CACNA1E: variants seen among roughly 807,000 people sequenced by gnomAD.
CACNA1E encodes calcium voltage-gated channel subunit alpha1 E.
A neutral mutation model predicts 259.2 loss-of-function variants in CACNA1E; 40 were observed. That is an observed-to-expected ratio of 0.15 (90% confidence interval 0.12 to 0.20). CACNA1E has a LOEUF of 0.20. CACNA1E is among the 10% of genes least tolerant of loss of function. The probability of loss-of-function intolerance (pLI) is 1.00; values close to 1 mark genes in which losing one functional copy is unlikely to be tolerated. For synonymous variants in CACNA1E, 1,104 were observed against 1,138.5 expected, an observed-to-expected ratio of 0.97 and a Z score of 0.61; for missense variants, 1,874 against 3,040.1, an observed-to-expected ratio of 0.62 and a Z score of 9.02.
rs1658763911 is a variant in CACNA1E at position 181,421,805 on chromosome 1, A to C, written c.434+8225A>C. On this transcript the variant is annotated intron_variant, in intron 2 of 11. Transcript: ENST00000524607. ...CACTGCTACCAATCTCTTCCAAGCC[A>C]CTATCCTTTGGACCATTGCAATGGC... Among the ~76,000 whole-genome samples the C allele has an allele frequency of 1.3e-5, 2 of 152,228 alleles. 1 individual carries two copies. The highest frequency in any genetic ancestry group is 4.1e-4 in the South Asian group (2 of 4,826).
At chr1:181,428,618 C>T (rs757282619) in intron 2 of CACNA1E, among the ~76,000 whole-genome samples, 1 of 152,024 alleles carries the variant, frequency 6.6e-6, no homozygotes, top group Non-Finnish European at 1.5e-5. Flanking sequence ...GTGTGCTGCT[C>T]TTGGGCCCCA....
At chr1:181,630,794 C>G (rs1656656489) in intron 6 of CACNA1E, among the ~76,000 whole-genome samples, 1 of 152,136 alleles carries the variant, frequency 6.6e-6, no homozygotes, top group Non-Finnish European at 1.5e-5. Flanking sequence ...AATGGTCCTA[C>G]AAGACTTTCT....
chr1:181,554,019 GT>G (rs930036045), intron 3 of CACNA1E, among the ~76,000 whole-genome samples: 7 of 152,054 alleles, frequency 4.6e-5, no homozygotes, highest in African/African-American at 1.7e-4. Context: ...TGAATTTAGT[GT>G]TTTTTGTTGA....
Position 181,785,606 on chromosome 1 carries a change from C to CA in CACNA1E, c.5680-105dup, listed in dbSNP as rs1333343632. On this transcript the variant is annotated intron_variant, in intron 42 of 47. Coordinates refer to ENST00000367573, the MANE Select transcript of CACNA1E (RefSeq NM_001205293.3). ...TGGATCGAAGGTTAAAATGGTCAAA[C>CA]AAGGGATAAGTTATGTGCCTGTATT... is the stretch of plus-strand genomic sequence containing the variant. 6 of 929,552 alleles carry CA rather than the reference C, an allele frequency of 6.5e-6. No homozygotes were observed. The African/African-American group carries it at 9.8e-5, about 15-fold the overall frequency. 57.6% of individuals were successfully genotyped at this position (929,552 alleles called of 1,614,324 possible). A position where few individuals can be genotyped will look rare whatever the true frequency, so the allele number is the denominator to read the frequency against.
intron 26 of CACNA1E, 127 bp downstream of exon 26, chr1:181,750,614 A>G (rs1378879096): frequency 1.2e-6 from 1 of 843,540 alleles, no homozygotes; most frequent in Non-Finnish European, 1.9e-6. Context: ...TTTATATCCA[A>G]GGGATCAAAA....
intron 3 of CACNA1E, among the ~76,000 whole-genome samples, chr1:181,523,532 C>G (rs1408165368): frequency 6.6e-6 from 1 of 152,142 alleles, no homozygotes; most frequent in East Asian, 1.9e-4. Flanking sequence ...TTTTCTAGTA[C>G]TGTGGTTGTG....
chr1:181,534,196 G>A (rs1443317035), intron 3 of CACNA1E, among the ~76,000 whole-genome samples: 2 of 152,038 alleles, frequency 1.3e-5, no homozygotes, highest in African/African-American at 4.8e-5. Context: ...CTTTATAAAG[G>A]AAGTAAAGAA....
intron 1 of CACNA1E, among the ~76,000 whole-genome samples, chr1:181,376,956 C>T (rs1399506988): frequency 1.3e-5 from 2 of 152,162 alleles, no homozygotes; most frequent in Non-Finnish European, 2.9e-5. Context: ...AGCTTAGCTT[C>T]TCCCAGGAAG....
At chr1:181,757,234 A>G in intron 30 of CACNA1E, 108 bp downstream of exon 30, 4 of 753,484 alleles carry the variant, frequency 5.3e-6, no homozygotes, top group Non-Finnish European at 8.8e-6. Flanking sequence ...ATTAAGAATT[A>G]TAGAGAGAAG....
chr1:181,686,636 A>C (rs1650612134), intron 7 of CACNA1E, among the ~76,000 whole-genome samples: 2 of 152,124 alleles, frequency 1.3e-5, no homozygotes, highest in Non-Finnish European at 2.9e-5. Context: ...TTGGCCTTTC[A>C]CACTGACTTG....
chr1:181,692,857 A>G (rs554246696), intron 7 of CACNA1E, among the ~76,000 whole-genome samples: 4 of 152,252 alleles, frequency 2.6e-5, no homozygotes, highest in African/African-American at 7.2e-5. Flanking sequence ...GTAAACAGAC[A>G]ACCTACAGAA....
intron 3 of CACNA1E, among the ~76,000 whole-genome samples, chr1:181,544,724 T>A (rs1276375343): frequency 1.3e-5 from 2 of 152,184 alleles, no homozygotes; most frequent in Non-Finnish European, 1.5e-5. Context: ...CCAAGTGAGC[T>A]GTGGACATGG....
At chr1:181,650,859 G>A (rs1658693814) in intron 6 of CACNA1E, among the ~76,000 whole-genome samples, 1 of 152,224 alleles carries the variant, frequency 6.6e-6, no homozygotes, top group African/African-American at 2.4e-5. Context: ...CTGAGCGTGG[G>A]TCAAGGGCTG....
At position 181,803,811 on chromosome 1, in the gene CACNA1E, G is replaced by A. The variant is rs563397312; in HGVS notation, c.*4977G>A. 1.3e-5 allele frequency: 2 copies of A among 152,256 alleles called. No homozygotes were observed. Among genetic ancestry groups the A allele is most frequent in the South Asian group, 2.1e-4 (1 of 4,822 alleles). 9.4% of individuals were successfully genotyped at this position (152,256 alleles called of 1,614,324 possible). On this transcript the variant is annotated 3_prime_UTR_variant, in exon 48 of 48. Coordinates refer to ENST00000367573, the MANE Select transcript of CACNA1E (RefSeq NM_001205293.3). ...GCCAAAGAGAAAAAATTCATAGATTGTCCCAGCCTACCCAAAGGGCCTGAA... is the reference window on the plus strand; with the variant it reads ...GCCAAAGAGAAAAAATTCATAGATTATCCCAGCCTACCCAAAGGGCCTGAA...
intron 23 of CACNA1E, 49 bp downstream of exon 23, chr1:181,737,703 AC>A: frequency 6.3e-7 from 1 of 1,584,916 alleles, no homozygotes; most frequent in Non-Finnish European, 8.6e-7. Flanking sequence ...TCTGGTGCTC[AC>A]CCCATCCCAG....
chr1:181,349,888 G>A (rs1441235620), intron 1 of CACNA1E, among the ~76,000 whole-genome samples: 3 of 152,202 alleles, frequency 2.0e-5, no homozygotes, highest in Admixed American at 2.0e-4. Flanking sequence ...TGTGACCCCA[G>A]GCAAGTCACT....
At chr1:181,692,548 G>A (rs560438702) in intron 7 of CACNA1E, among the ~76,000 whole-genome samples, 1 of 152,250 alleles carries the variant, frequency 6.6e-6, no homozygotes, top group East Asian at 1.9e-4. Context: ...ATTAAGCAAT[G>A]GGGAAAGGAA....
intron 1 of CACNA1E, among the ~76,000 whole-genome samples, chr1:181,322,386 G>T (rs1294999648): frequency 1.3e-5 from 2 of 152,130 alleles, no homozygotes; most frequent in African/African-American, 4.8e-5. Flanking sequence ...CCTGGAACTA[G>T]GCCATTGGAC....
chr1:181,654,943 C>G (rs1310470557), intron 7 of CACNA1E, among the ~76,000 whole-genome samples: 1 of 147,828 alleles, frequency 6.8e-6, no homozygotes. Context: ...CAAGATCACG[C>G]CACTGCACTC....
Sources: gnomAD v4.1 joint callset for allele counts (sites outside exome capture counted in the v4.1 genomes callset) on GRCh38, gnomAD v4.1.1 for gene constraint, MANE v1.5 for transcripts, NCBI Gene and HGNC (gene_info 2026-07-23, HGNC 2026-07-21) for gene names.